The following KCTD8 variants were observed in gnomAD, a reference collection of about 807,000 sequenced individuals.
KCTD8 encodes the protein BTB/POZ domain-containing protein KCTD8.
A neutral mutation model predicts 31.5 loss-of-function variants in KCTD8; 27 were observed. The observed-to-expected ratio is 0.86, with a 90% confidence interval of 0.63 to 1.18. KCTD8 has a LOEUF of 1.18. Among genes scored for constraint, KCTD8 ranks in the 50% most tolerant of loss-of-function variants. KCTD8 has a pLI of 0.00. For missense variants in KCTD8, 658 were observed against 647.7 expected (o/e 1.02, Z -0.17); for synonymous variants, 290 against 280.0 (o/e 1.04, Z -0.36).
intron 1 of KCTD8, among the ~76,000 whole-genome samples, chr4:44,208,891 A>G (rs6850419): frequency 0.016 from 2,374 of 152,294 alleles, 24 homozygotes; most frequent in Non-Finnish European, 0.025. Context: ...GGAAATTACA[A>G]AACAGTTTAA....
chr4:44,420,514 G>T (rs975408512), intron 1 of KCTD8, among the ~76,000 whole-genome samples: 1 of 152,162 alleles, frequency 6.6e-6, no homozygotes, highest in Non-Finnish European at 1.5e-5. Context: ...TGAAAAGAAT[G>T]GACACAGATG....
intron 1 of KCTD8, among the ~76,000 whole-genome samples, chr4:44,211,465 T>G (rs1364055218): frequency 6.6e-6 from 1 of 152,190 alleles, no homozygotes; most frequent in Non-Finnish European, 1.5e-5. Context: ...CAATTCAACA[T>G]TATATTTCTA....
Position 44,448,052 on chromosome 4 carries a change from C to T in KCTD8, c.472G>A (p.Asp158Asn), listed in dbSNP as rs979707878. ...PKVTKQNSLNDEGCQSDLEDN... is the reference protein window; with the variant it reads ...PKVTKQNSLNNEGCQSDLEDN... ...TCCAGGTCGCTCTGGCAGCCCTCGTCGTTGAGAGAGTTCTGCTTGGTGACC... is the reference window on the plus strand; with the variant it reads ...TCCAGGTCGCTCTGGCAGCCCTCGTTGTTGAGAGAGTTCTGCTTGGTGACC... Residue 158 changes from aspartate to asparagine, a missense_variant, in exon 1 of 2, where the codon GAC (aspartate) becomes AAC (asparagine). Physicochemically the swap from Asp to Asn is conservative, Grantham distance 23. Transcript: ENST00000360029. The surrounding 1 kb of genome is among the most constrained non-coding windows in gnomAD (Gnocchi z 4.1). 4 of 1,611,662 alleles carry T rather than the reference C, an allele frequency of 2.5e-6. No homozygotes were observed. In the Admixed American group the frequency reaches 5.0e-5, roughly 20 times the overall value.
At chr4:44,203,520 A>G (rs1426471342) in intron 1 of KCTD8, among the ~76,000 whole-genome samples, 1 of 151,268 alleles carries the variant, frequency 6.6e-6, no homozygotes, top group Non-Finnish European at 1.5e-5. Flanking sequence ...AAAAAGGAAT[A>G]AAAAAATAAA....
intron 1 of KCTD8, among the ~76,000 whole-genome samples, chr4:44,311,262 G>A (rs927249557): frequency 2.6e-5 from 4 of 151,858 alleles, no homozygotes; most frequent in Non-Finnish European, 4.4e-5. Flanking sequence ...CAATGAGCAC[G>A]TGTGCTCTCT....
At position 44,215,845 on chromosome 4, in the gene KCTD8, C is replaced by T. The variant is rs544399375; in HGVS notation, c.962-40595G>A. On this transcript the variant is annotated intron_variant, in intron 1 of 1. Transcript: ENST00000360029. The stretch of plus-strand genomic sequence containing the variant: ...GTGAAAAGAGCAGGGTCTGCCTTAA[C>T]TGATACATCTTTCTTAGATTATAAG... 7.9e-5 allele frequency among the ~76,000 whole-genome samples: 12 copies of T among 152,286 alleles called. No homozygotes were observed. In the South Asian group the frequency reaches 2.5e-3, roughly 32 times the overall value.
At chr4:44,410,651 G>T (rs1194351147) in intron 1 of KCTD8, among the ~76,000 whole-genome samples, 1 of 152,090 alleles carries the variant, frequency 6.6e-6, no homozygotes, top group African/African-American at 2.4e-5. Flanking sequence ...ATAGAGGAAG[G>T]CAAGGAGGAG....
chr4:44,390,679 C>T (rs755697370), intron 1 of KCTD8, among the ~76,000 whole-genome samples: 10 of 151,762 alleles, frequency 6.6e-5, no homozygotes, highest in African/African-American at 1.7e-4. Context: ...CGAAGCATAA[C>T]GCGATACCAC....
At chr4:44,203,160 T>C (rs560418336) in intron 1 of KCTD8, among the ~76,000 whole-genome samples, 1 of 152,268 alleles carries the variant, frequency 6.6e-6, no homozygotes, top group East Asian at 1.9e-4. Context: ...TAAAATAAAC[T>C]ATATCCTTAA....
At chr4:44,323,470 G>C (rs1465880229) in intron 1 of KCTD8, among the ~76,000 whole-genome samples, 1 of 150,726 alleles carries the variant, frequency 6.6e-6, no homozygotes, top group Non-Finnish European at 1.5e-5. Context: ...CTCCAGCCTG[G>C]GCGACAAGAG....
At chr4:44,280,086 TA>T (rs1397510954) in intron 1 of KCTD8, among the ~76,000 whole-genome samples, 2 of 152,096 alleles carry the variant, frequency 1.3e-5, no homozygotes, top group Non-Finnish European at 2.9e-5. Context: ...CTATGAAATT[TA>T]TATAATTCCT....
At chr4:44,393,603 A>T (rs546809541) in intron 1 of KCTD8, among the ~76,000 whole-genome samples, 8 of 151,670 alleles carry the variant, frequency 5.3e-5, no homozygotes, top group African/African-American at 1.9e-4. Context: ...ATCCAATAAG[A>T]AATTCAAATG....
At chr4:44,293,231 T>G (rs1022298440) in intron 1 of KCTD8, among the ~76,000 whole-genome samples, 2 of 152,136 alleles carry the variant, frequency 1.3e-5, no homozygotes, top group African/African-American at 4.8e-5. Flanking sequence ...GAAACCTATT[T>G]TAAGAGGTTT....
intron 1 of KCTD8, among the ~76,000 whole-genome samples, chr4:44,425,309 C>T (rs576028545): frequency 6.6e-6 from 1 of 152,142 alleles, no homozygotes; most frequent in Non-Finnish European, 1.5e-5. Context: ...GTCCTACCTG[C>T]ATCTGAAAGA....
chr4:44,238,608 G>C (rs1192201387), intron 1 of KCTD8, among the ~76,000 whole-genome samples: 1 of 151,942 alleles, frequency 6.6e-6, no homozygotes, highest in Non-Finnish European at 1.5e-5. Context: ...AGATTTTATC[G>C]GTCTTAGGAT....
At chr4:44,421,540 G>A (rs1171999393) in intron 1 of KCTD8, among the ~76,000 whole-genome samples, 1 of 152,004 alleles carries the variant, frequency 6.6e-6, no homozygotes, top group Non-Finnish European at 1.5e-5. Context: ...CAATATTTCT[G>A]GGCTTTCTCA....
At chr4:44,362,093 G>A (rs1459631752) in intron 1 of KCTD8, among the ~76,000 whole-genome samples, 1 of 152,046 alleles carries the variant, frequency 6.6e-6, no homozygotes, top group Non-Finnish European at 1.5e-5. Context: ...AAAATTCCAG[G>A]CAGCAGAAAT....
rs1715680107 is a variant in KCTD8 at position 44,246,820 on chromosome 4, G to A, written c.962-71570C>T. On this transcript the variant is annotated intron_variant, in intron 1 of 1. Coordinates refer to ENST00000360029, the MANE Select transcript of KCTD8 (RefSeq NM_198353.3). The stretch of plus-strand genomic sequence containing the variant: ...TTCCTAATCCTTTTCATCTTTCCCT[G>A]TGACCTTTGAGATGTAGAGCACATA... Among the ~76,000 whole-genome samples, 3 of 151,880 alleles carry A rather than the reference G, an allele frequency of 2.0e-5. 1 individual carries two copies. Among genetic ancestry groups the A allele is most frequent in the African/African-American group, 7.3e-5 (3 of 41,360 alleles).
intron 1 of KCTD8, among the ~76,000 whole-genome samples, chr4:44,194,528 G>A (rs1337181341): frequency 6.6e-6 from 1 of 152,014 alleles, no homozygotes; most frequent in Non-Finnish European, 1.5e-5. Context: ...TAAAATCTTG[G>A]AGGTAGAGAA....
Sources: gnomAD v4.1 joint callset for allele counts (sites outside exome capture counted in the v4.1 genomes callset) on GRCh38, gnomAD v4.1.1 for gene constraint, Gnocchi (gnomAD v3.1) non-coding constraint, MANE v1.5 for transcripts, NCBI Gene and HGNC (gene_info 2026-07-23, HGNC 2026-07-21) for gene names.